KIF2A: variants seen among roughly 807,000 people sequenced by gnomAD.
KIF2A encodes kinesin family member 2A.
A neutral mutation model predicts 100.2 loss-of-function variants in KIF2A; 22 were observed. The observed-to-expected ratio is 0.22, with a 90% CI of 0.16 to 0.31. The LOEUF (loss-of-function observed/expected upper bound fraction) is 0.31. Ranked by LOEUF, KIF2A falls within the 10% of genes least tolerant of loss-of-function variation. The probability of loss-of-function intolerance (pLI) is 1.00; values close to 1 mark genes in which losing one functional copy is unlikely to be tolerated. For synonymous variants in KIF2A, 268 were observed against 285.9 expected (o/e 0.94, Z 0.63); for missense variants, 495 against 898.7 (o/e 0.55, Z 5.74).
At chr5:62,361,196 T>C (rs1748387032) in intron 9 of KIF2A, 46 bp from the exon 10 acceptor site, 1 of 1,024,246 alleles carries the variant, frequency 9.8e-7, no homozygotes, top group African/African-American at 1.6e-5. Context: ...CTATTATTCA[T>C]CAAAATATTG....
At chr5:62,315,062 C>A (rs903496287) in intron 1 of KIF2A, among the ~76,000 whole-genome samples, 2 of 151,974 alleles carry the variant, frequency 1.3e-5, no homozygotes, top group Non-Finnish European at 2.9e-5. Flanking sequence ...TACACCCGGC[C>A]TTATGCCCGC....
At chr5:62,367,791 CTT>C (rs1004402851) in intron 16 of KIF2A, among the ~76,000 whole-genome samples, 25 of 152,088 alleles carry the variant, frequency 1.6e-4, no homozygotes, top group Admixed American at 5.9e-4. Flanking sequence ...TCTTGAGTGA[CTT>C]TATTTACCAC....
At chr5:62,360,882 G>C (rs974662212) in intron 9 of KIF2A, among the ~76,000 whole-genome samples, 1 of 151,852 alleles carries the variant, frequency 6.6e-6, no homozygotes, top group African/African-American at 2.4e-5. Context: ...TAATATTTTT[G>C]CAGTTTTTTT....
intron 1 of KIF2A, among the ~76,000 whole-genome samples, chr5:62,325,114 G>A (rs1205737361): frequency 6.6e-6 from 1 of 151,844 alleles, no homozygotes; most frequent in Non-Finnish European, 1.5e-5. Context: ...CTGTTGTAAA[G>A]CTTTTCTTTT....
At chr5:62,322,880 A>G (rs189546376) in intron 1 of KIF2A, among the ~76,000 whole-genome samples, 20 of 122,582 alleles carry the variant, frequency 1.6e-4, no homozygotes, top group Admixed American at 1.5e-3. Flanking sequence ...TTTTTTAATG[A>G]TCATATTTTT....
intron 1 of KIF2A, chr5:62,306,852 C>G (rs1481302611): frequency 3.3e-5 from 12 of 366,266 alleles, no homozygotes; most frequent in South Asian, 7.4e-5. Context: ...TCTCCAGCCC[C>G]CCCCCGGGGA....
At chr5:62,378,642 G>A (rs1261388172) in intron 19 of KIF2A, among the ~76,000 whole-genome samples, 1 of 152,216 alleles carries the variant, frequency 6.6e-6, no homozygotes, top group Non-Finnish European at 1.5e-5. Flanking sequence ...GTTTGGCCAG[G>A]CGCAGTGGCT....
chr5:62,316,105 A>G (rs1745808978), intron 1 of KIF2A, among the ~76,000 whole-genome samples: 1 of 152,218 alleles, frequency 6.6e-6, no homozygotes, highest in Admixed American at 6.5e-5. Flanking sequence ...CATCCAACTC[A>G]GGCTGCATAT....
At chr5:62,327,916 AT>A (rs1267418103) in intron 1 of KIF2A, among the ~76,000 whole-genome samples, 1 of 152,180 alleles carries the variant, frequency 6.6e-6, no homozygotes, top group East Asian at 1.9e-4. Context: ...TCTCGTTAGG[AT>A]GTATGCATAA....
At chr5:62,315,881 G>A (rs1038341192) in intron 1 of KIF2A, among the ~76,000 whole-genome samples, 1 of 152,176 alleles carries the variant, frequency 6.6e-6, no homozygotes, top group Non-Finnish European at 1.5e-5. Context: ...AGGAACAGAT[G>A]ATATGCAGAA....
intron 14 of KIF2A, 22 bp from the exon 15 acceptor site, chr5:62,365,221 G>A: frequency 1.6e-6 from 2 of 1,235,896 alleles, no homozygotes; most frequent in Admixed American, 4.1e-5. Context: ...TAATCTGTGA[G>A]ACTTGTTTTC....
At position 62,319,160 on chromosome 5, in the gene KIF2A, TAACAACAACAAC is replaced by T. The variant is rs35093486; in HGVS notation, c.64+12642_64+12653del. On this transcript the variant is annotated intron_variant, in intron 1 of 20. Coordinates refer to ENST00000407818, the MANE Select transcript of KIF2A (RefSeq NM_001098511.3). ...TCTCTACCTAGGAGAGTAATTTGGT[TAACAACAACAAC>T]AACAACAACAACAACAAAAAACCCA... Among the ~76,000 whole-genome samples the T allele has an allele frequency of 1.5e-3, 226 of 149,806 alleles. 6 individuals are homozygous for T. The South Asian group carries it at 0.044, about 29-fold the overall frequency.
chr5:62,375,983 C>T (rs1306492308), intron 18 of KIF2A, among the ~76,000 whole-genome samples: 1 of 152,154 alleles, frequency 6.6e-6, no homozygotes, highest in Admixed American at 6.5e-5. Flanking sequence ...CACTTATGTC[C>T]AGAATTTTTA....
At chr5:62,370,993 G>A (rs1480345659) in intron 16 of KIF2A, among the ~76,000 whole-genome samples, 3 of 152,136 alleles carry the variant, frequency 2.0e-5, no homozygotes, top group South Asian at 2.1e-4. Flanking sequence ...CAGGCCAGAC[G>A]CTGTAGCTCA....
chr5:62,365,134 C>T (rs1388627397), intron 14 of KIF2A, 109 bp from the exon 15 acceptor site: 3 of 523,106 alleles, frequency 5.7e-6, no homozygotes, highest in African/African-American at 2.0e-5. Context: ...CAAAACTGAT[C>T]AGACCCTTAA....
At chr5:62,384,891 C>CGAA (rs1741944885) in intron 20 of KIF2A, among the ~76,000 whole-genome samples, 1 of 151,964 alleles carries the variant, frequency 6.6e-6, no homozygotes, top group Admixed American at 6.6e-5. Flanking sequence ...GCCTATAATC[C>CGAA]CAGCACTTTG....
At chr5:62,379,436 G>A (rs928788383) in intron 19 of KIF2A, among the ~76,000 whole-genome samples, 6 of 152,200 alleles carry the variant, frequency 3.9e-5, no homozygotes, top group Admixed American at 3.9e-4. Flanking sequence ...GCCGAGACGG[G>A]TGGATCACCT....
intron 1 of KIF2A, among the ~76,000 whole-genome samples, chr5:62,331,853 T>G (rs1746672101): frequency 6.6e-6 from 1 of 152,056 alleles, no homozygotes; most frequent in South Asian, 2.1e-4. Flanking sequence ...TGAAAAGAAT[T>G]GATTGTTGCT....
intron 7 of KIF2A, among the ~76,000 whole-genome samples, chr5:62,357,222 T>C (rs1748159097): frequency 6.6e-6 from 1 of 151,846 alleles, no homozygotes. Flanking sequence ...TAGCTGGGAC[T>C]ACAGGCATGC....
Sources: allele counts gnomAD v4.1 joint callset (sites outside exome capture counted in the v4.1 genomes callset), GRCh38; gene constraint gnomAD v4.1.1; transcripts MANE v1.5; gene names NCBI Gene and HGNC (gene_info 2026-07-23, HGNC 2026-07-21).